Variants in FMN1 observed in about 807,000 individuals in gnomAD.
FMN1 encodes formin-1.
A neutral mutation model predicts 132.4 loss-of-function variants in FMN1; 110 were observed. That is an observed-to-expected ratio of 0.83 (90% confidence interval 0.71 to 0.97). The LOEUF (loss-of-function observed/expected upper bound fraction) is 0.97, where lower values mean the gene tolerates loss of function less well. Among genes scored for constraint, FMN1 ranks in the 50% least tolerant of loss-of-function variants. FMN1 has a pLI of 0.00. For missense variants in FMN1, 1,792 were observed against 1,705.3 expected (o/e 1.05, Z -0.90); for synonymous variants, 722 against 651.7 (o/e 1.11, Z -1.64).
intron 9 of FMN1, among the ~76,000 whole-genome samples, chr15:32,951,633 G>A (rs926089467): frequency 9.2e-5 from 14 of 152,168 alleles, no homozygotes; most frequent in African/African-American, 2.4e-4. Flanking sequence ...TGGCAATGAT[G>A]GTGGTAATAG....
chr15:33,119,973 G>A (rs920591488), intron 4 of FMN1, among the ~76,000 whole-genome samples: 1 of 152,188 alleles, frequency 6.6e-6, no homozygotes, highest in African/African-American at 2.4e-5. Flanking sequence ...CTTATTAAGC[G>A]TCACAACACC....
At chr15:33,105,802 T>C (rs16964982) in intron 4 of FMN1, 3 of 139,396 alleles carry the variant, frequency 2.2e-5, no homozygotes, top group Admixed American at 7.4e-5. Context: ...AATGTTGTAA[T>C]AGGACAAGAA....
At chr15:33,161,688 G>A (rs1964896344) in intron 3 of FMN1, among the ~76,000 whole-genome samples, 1 of 152,132 alleles carries the variant, frequency 6.6e-6, no homozygotes, top group Non-Finnish European at 1.5e-5. Flanking sequence ...GGAGGCTGAG[G>A]CGGGCGGATC....
At chr15:33,171,984 T>C (rs949100991) in intron 3 of FMN1, among the ~76,000 whole-genome samples, 12 of 151,666 alleles carry the variant, frequency 7.9e-5, no homozygotes, top group African/African-American at 1.2e-4. Context: ...CCAAGGCGGG[T>C]GGATCACGAG....
At chr15:32,980,418 T>G (rs1168822854) in intron 7 of FMN1, among the ~76,000 whole-genome samples, 1 of 152,196 alleles carries the variant, frequency 6.6e-6, no homozygotes, top group Non-Finnish European at 1.5e-5. Flanking sequence ...TTTATTTTCT[T>G]TACAAACCAG....
intron 4 of FMN1, among the ~76,000 whole-genome samples, chr15:33,122,906 C>T (rs1962701828): frequency 6.6e-6 from 1 of 152,138 alleles, no homozygotes; most frequent in African/African-American, 2.4e-5. Context: ...ATCTATGCAG[C>T]ATGTACTATG....
chr15:32,972,108 G>A (rs2031843013), intron 7 of FMN1, among the ~76,000 whole-genome samples: 1 of 152,100 alleles, frequency 6.6e-6, no homozygotes, highest in Non-Finnish European at 1.5e-5. Flanking sequence ...ATTAATATAC[G>A]TAAAAGAAAA....
At chr15:32,981,543 A>AATAATAATAATAATAATTATT (rs574939662) in intron 7 of FMN1, among the ~76,000 whole-genome samples, 7 of 138,402 alleles carry the variant, frequency 5.1e-5, no homozygotes, top group African/African-American at 1.9e-4. Flanking sequence ...TAATAATAAT[A>AATAATAATAATAATAATTATT]ATTATTATTA....
chr15:33,121,161 T>C (rs928876091), intron 4 of FMN1, among the ~76,000 whole-genome samples: 6 of 152,202 alleles, frequency 3.9e-5, no homozygotes, highest in African/African-American at 1.4e-4. Context: ...CTCCAAGGAC[T>C]TAGATCAACA....
intron 17 of FMN1, among the ~76,000 whole-genome samples, chr15:32,836,233 G>A (rs1475657670): frequency 6.6e-6 from 1 of 152,138 alleles, no homozygotes; most frequent in Admixed American, 6.5e-5. Flanking sequence ...ATGTAGCTCT[G>A]CTTCCAAACA....
intron 5 of FMN1, among the ~76,000 whole-genome samples, chr15:33,086,674 T>C (rs1220896239): frequency 6.6e-6 from 1 of 152,210 alleles, no homozygotes; most frequent in Admixed American, 6.5e-5. Flanking sequence ...CAACTTAAAG[T>C]AATTGACCAA....
At chr15:32,994,232 T>TCACACA (rs1555375420) in intron 7 of FMN1, among the ~76,000 whole-genome samples, 1 of 37,200 alleles carries the variant, frequency 2.7e-5, no homozygotes, top group African/African-American at 5.6e-5. Flanking sequence ...TCTCTCTCTC[T>TCACACA]CACACACACA....
At chr15:33,184,285 GA>G (rs1965802842) in intron 2 of FMN1, among the ~76,000 whole-genome samples, 2 of 152,178 alleles carry the variant, frequency 1.3e-5, no homozygotes, top group African/African-American at 4.8e-5. Flanking sequence ...TGCCTTATAT[GA>G]ATTCTTGAAA....
intron 4 of FMN1, among the ~76,000 whole-genome samples, chr15:33,131,352 T>G (rs188108070): frequency 1.4e-5 from 2 of 144,922 alleles, no homozygotes; most frequent in East Asian, 4.0e-4. Flanking sequence ...AAAAAAAAGC[T>G]GTATTAAAAT....
intron 17 of FMN1, among the ~76,000 whole-genome samples, chr15:32,827,590 C>T (rs770474144): frequency 6.6e-6 from 1 of 152,204 alleles, no homozygotes; most frequent in Non-Finnish European, 1.5e-5. Context: ...GTGGCTCATG[C>T]CTGTAATCCC....
At chr15:32,790,924 T>C (rs1422080320) in intron 19 of FMN1, among the ~76,000 whole-genome samples, 1 of 152,140 alleles carries the variant, frequency 6.6e-6, no homozygotes, top group African/African-American at 2.4e-5. Context: ...AAGAAGAAAA[T>C]GCTGTCAGAG....
intron 5 of FMN1, among the ~76,000 whole-genome samples, chr15:33,075,126 TC>T (rs1457036173): frequency 6.8e-5 from 10 of 147,030 alleles, no homozygotes. Flanking sequence ...ATATATAAGC[TC>T]CCTGTGCTGC....
At chr15:33,117,539 G>A (rs1474989992) in intron 4 of FMN1, among the ~76,000 whole-genome samples, 4 of 152,084 alleles carry the variant, frequency 2.6e-5, no homozygotes, top group African/African-American at 9.7e-5. Context: ...TCTGAACTAC[G>A]GATTAAGCTG....
intron 7 of FMN1, among the ~76,000 whole-genome samples, chr15:32,972,250 C>T (rs2031855053): frequency 6.6e-6 from 1 of 152,168 alleles, no homozygotes; most frequent in African/African-American, 2.4e-5. Context: ...CGCTTCCCAG[C>T]CCCATGCCCT....
Sources: gnomAD v4.1 joint callset for allele counts (sites outside exome capture counted in the v4.1 genomes callset) on GRCh38, gnomAD v4.1.1 for gene constraint, MANE v1.5 for transcripts, NCBI Gene and HGNC (gene_info 2026-07-23, HGNC 2026-07-21) for gene names.